CLSTN2: variants seen among roughly 807,000 people sequenced by gnomAD.
CLSTN2 encodes the protein calsyntenin 2, also known as calsyntenin-2.
CLSTN2 carries 48 observed loss-of-function variants against 101.2 expected under a neutral mutation model. That is an observed-to-expected ratio of 0.47 (90% confidence interval 0.38 to 0.60). The LOEUF is 0.60. CLSTN2 is among the 20% of genes least tolerant of loss of function. The pLI is 0.00. For synonymous variants in CLSTN2, 481 were observed against 463.6 expected, an observed-to-expected ratio of 1.04 and a Z score of -0.48; for missense variants, 1,160 against 1,238.2, an observed-to-expected ratio of 0.94 and a Z score of 0.95.
chr3:140,149,489 C>T (rs957757318), intron 1 of CLSTN2, among the ~76,000 whole-genome samples: 1 of 151,810 alleles, frequency 6.6e-6, no homozygotes, highest in African/African-American at 2.4e-5. Flanking sequence ...TGGAGTCTCA[C>T]TCTGTCACCA....
chr3:140,537,694 A>G (rs1345752371), intron 9 of CLSTN2, among the ~76,000 whole-genome samples: 1 of 152,210 alleles, frequency 6.6e-6, no homozygotes, highest in African/African-American at 2.4e-5. Context: ...TCACAACGTA[A>G]AAGATCATTT....
At chr3:140,075,533 C>A (rs1193557865) in intron 1 of CLSTN2, among the ~76,000 whole-genome samples, 1 of 152,172 alleles carries the variant, frequency 6.6e-6, no homozygotes, top group African/African-American at 2.4e-5. Context: ...AACAGAAACA[C>A]CCTCCCATTT....
intron 2 of CLSTN2, among the ~76,000 whole-genome samples, chr3:140,307,552 G>A (rs2087126681): frequency 6.6e-6 from 1 of 152,238 alleles, no homozygotes. Context: ...AGTAAATGCT[G>A]AAAAATCTTA....
At chr3:140,224,223 C>A (rs2086299904) in intron 2 of CLSTN2, among the ~76,000 whole-genome samples, 1 of 152,162 alleles carries the variant, frequency 6.6e-6, no homozygotes, top group Non-Finnish European at 1.5e-5. Context: ...ATTTGTGTGA[C>A]CAATGGCGAA....
chr3:140,309,100 A>T (rs2087140332), intron 2 of CLSTN2, among the ~76,000 whole-genome samples: 1 of 152,232 alleles, frequency 6.6e-6, no homozygotes, highest in Non-Finnish European at 1.5e-5. Context: ...CTCTCATAGA[A>T]CTTACAATCA....
chr3:140,301,383 C>T (rs1485796457), intron 2 of CLSTN2, among the ~76,000 whole-genome samples: 4 of 152,158 alleles, frequency 2.6e-5, no homozygotes, highest in Admixed American at 2.6e-4. Flanking sequence ...TTTTCTAAAA[C>T]AAGGTGAATC....
chr3:140,223,224 C>T (rs1048056928), intron 2 of CLSTN2, among the ~76,000 whole-genome samples: 1 of 152,212 alleles, frequency 6.6e-6, no homozygotes, highest in Non-Finnish European at 1.5e-5. Context: ...AAGCACAAAT[C>T]ACAGGAGAAA....
intron 2 of CLSTN2, among the ~76,000 whole-genome samples, chr3:140,395,244 G>GC (rs2088168200): frequency 6.6e-6 from 1 of 152,098 alleles, no homozygotes; most frequent in African/African-American, 2.4e-5. Context: ...GGTGAAAACT[G>GC]CCCCCTCCCC....
intron 1 of CLSTN2, among the ~76,000 whole-genome samples, chr3:140,076,206 C>A (rs574267779): frequency 6.6e-6 from 1 of 152,160 alleles, no homozygotes; most frequent in Non-Finnish European, 1.5e-5. Flanking sequence ...ATGTTCTTCG[C>A]GTTCATCCTT....
chr3:140,372,856 A>T (rs1346443850), intron 2 of CLSTN2, among the ~76,000 whole-genome samples: 2 of 152,148 alleles, frequency 1.3e-5, no homozygotes, highest in African/African-American at 4.8e-5. Context: ...AGGTGGGAGG[A>T]TGGTTTGAGG....
At chr3:140,120,036 G>T (rs1042318175) in intron 1 of CLSTN2, among the ~76,000 whole-genome samples, 1 of 152,188 alleles carries the variant, frequency 6.6e-6, no homozygotes, top group Non-Finnish European at 1.5e-5. Context: ...GACCAAATGC[G>T]TAGAGGTTTT....
chr3:140,392,722 G>T (rs2088130295), intron 2 of CLSTN2, among the ~76,000 whole-genome samples: 1 of 151,950 alleles, frequency 6.6e-6, no homozygotes, highest in African/African-American at 2.4e-5. Context: ...CTAGTGATGA[G>T]AAATACTCAG....
chr3:140,095,587 A>C (rs915396957), intron 1 of CLSTN2, among the ~76,000 whole-genome samples: 1 of 152,198 alleles, frequency 6.6e-6, no homozygotes, highest in African/African-American at 2.4e-5. Flanking sequence ...AATAATTTGG[A>C]TCAGGCTTTG....
intron 2 of CLSTN2, among the ~76,000 whole-genome samples, chr3:140,302,803 T>C (rs887357155): frequency 6.6e-6 from 1 of 151,860 alleles, no homozygotes; most frequent in Non-Finnish European, 1.5e-5. Flanking sequence ...GGTGGGAGGG[T>C]TGGAGACAGA....
intron 5 of CLSTN2, among the ~76,000 whole-genome samples, chr3:140,433,252 T>C (rs1012700943): frequency 6.6e-6 from 1 of 151,996 alleles, no homozygotes; most frequent in East Asian, 1.9e-4. Context: ...GTGGGAGGGG[T>C]ATCACTCTTG....
intron 1 of CLSTN2, among the ~76,000 whole-genome samples, chr3:139,990,964 A>C (rs1365154): frequency 0.53 from 80,919 of 152,112 alleles, 24,289 homozygotes; most frequent in Non-Finnish European, 0.66. Flanking sequence ...ATAAAATTTT[A>C]TTTTTAAAAT....
At chr3:139,969,515 G>T (rs1935658205) in intron 1 of CLSTN2, among the ~76,000 whole-genome samples, 1 of 152,132 alleles carries the variant, frequency 6.6e-6, no homozygotes, top group African/African-American at 2.4e-5. Context: ...GGGTCTTCTT[G>T]TTACCAACTA....
chr3:140,085,988 T>C (rs1260332219), intron 1 of CLSTN2, among the ~76,000 whole-genome samples: 1 of 152,192 alleles, frequency 6.6e-6, no homozygotes, highest in Non-Finnish European at 1.5e-5. Flanking sequence ...GACCTGTTAG[T>C]GAGAAGTATG....
At chr3:140,516,377 A>T (rs1448974433) in intron 8 of CLSTN2, among the ~76,000 whole-genome samples, 1 of 152,014 alleles carries the variant, frequency 6.6e-6, no homozygotes, top group African/African-American at 2.4e-5. Context: ...TCATTCTGCT[A>T]TTTGTTGCCT....
Sources: allele counts gnomAD v4.1 joint callset (sites outside exome capture counted in the v4.1 genomes callset), GRCh38; gene constraint gnomAD v4.1.1; transcripts MANE v1.5; gene names NCBI Gene and HGNC (gene_info 2026-07-23, HGNC 2026-07-21).